The following NFYA variants were observed in gnomAD, a reference collection of about 807,000 sequenced individuals.
The protein encoded by NFYA is CAAT-box DNA binding protein subunit A.
In NFYA, 28 loss-of-function variants were observed where a neutral mutation model predicts 52.8. The ratio of observed to expected loss-of-function variants is 0.53; its 90% CI spans 0.39 to 0.73. The LOEUF (loss-of-function observed/expected upper bound fraction) is 0.73. Among genes scored for constraint, NFYA ranks in the 30% least tolerant of loss-of-function variants. The pLI, the probability that NFYA is intolerant of heterozygous loss-of-function variation, is 0.00. For synonymous variants in NFYA, 150 were observed against 150.7 expected, an observed-to-expected ratio of 1.00 and a Z score of 0.03; for missense variants, 234 against 427.0, an observed-to-expected ratio of 0.55 and a Z score of 3.98.
chr6:41,081,571 C>T (rs62396296), intron 3 of NFYA, among the ~76,000 whole-genome samples: 12,624 of 151,988 alleles, frequency 0.083, 624 homozygotes, highest in Middle Eastern at 0.14. Context: ...ATTTGTGTTA[C>T]AATGGAGAAG....
chr6:41,098,423 T>C lies in NFYA; in HGVS notation c.*1013T>C, dbSNP rs1260145811. On this transcript the variant is annotated 3_prime_UTR_variant, in exon 10 of 10. Transcript: ENST00000341376. ...GAGCATGTATACCCGTATGTTATCA[T>C]AGAGCACGATTCTCCAGTGGATGGA... The C allele has an allele frequency of 6.6e-6, 1 of 152,158 alleles. No homozygotes were observed. The highest frequency in any genetic ancestry group is 1.5e-5 in the Non-Finnish European group (1 of 68,042). The allele number at this position is 152,158 out of a possible 1,614,324, so 9.4% of individuals were successfully genotyped here.
chr6:41,090,968 G>C (rs1268464891), intron 6 of NFYA, among the ~76,000 whole-genome samples: 8 of 152,228 alleles, frequency 5.3e-5, no homozygotes, highest in Non-Finnish European at 1.2e-4. Flanking sequence ...ACAGGATCCA[G>C]AGAGTGCACT....
intron 2 of NFYA, among the ~76,000 whole-genome samples, chr6:41,080,590 T>G (rs1473500386): frequency 6.6e-6 from 1 of 152,174 alleles, no homozygotes; most frequent in African/African-American, 2.4e-5. Context: ...GACAACTGTT[T>G]TGAGTTTTTG....
chr6:41,084,134 G>A lies in NFYA; in HGVS notation c.251G>A (p.Gly84Asp), dbSNP rs200299860. 6.2e-7 allele frequency: 1 copy of A among 1,614,126 alleles called. No homozygotes were observed. The change falls in exon 4 of 10, where the codon GGT becomes GAT. Residue 84 changes from glycine (G) to aspartate (D), a missense_variant. Gly to Asp is a moderately conservative substitution (Grantham distance 94). Coordinates refer to ENST00000341376, the MANE Select transcript of NFYA (RefSeq NM_002505.5). ...GQPIMVQAVP[G>D]GQGQTIMQVP... ...CCCATCATGGTCCAGGCTGTCCCTG[G>A]TGGACAAGGTCAAACCATCATGCAA...
At chr6:41,083,351 TTA>T (rs1763958545) in intron 3 of NFYA, among the ~76,000 whole-genome samples, 1 of 152,188 alleles carries the variant, frequency 6.6e-6, no homozygotes, top group Non-Finnish European at 1.5e-5. Context: ...CATGTGGATA[TTA>T]TAGAGGCCAG....
At position 41,099,198 on chromosome 6, in the gene NFYA, C is replaced by G. The variant is rs1764436789; in HGVS notation, c.*1788C>G. The stretch of plus-strand genomic sequence containing the variant: ...CCTTTGGTAAGCTCACTAGAAACTT[C>G]TAGCTCTACAAGAGTTTGGGATATT... On this transcript the variant is annotated 3_prime_UTR_variant, in exon 10 of 10. Coordinates refer to ENST00000341376, the MANE Select transcript of NFYA (RefSeq NM_002505.5). 1.3e-5 allele frequency: 2 copies of G among 152,228 alleles called. No homozygotes were observed. Among genetic ancestry groups the G allele is most frequent in the Admixed American group, 6.5e-5 (1 of 15,284 alleles). The allele number at this position is 152,228 out of a possible 1,614,324, so 9.4% of individuals were successfully genotyped here.
chr6:41,089,717 C>T lies in NFYA; in HGVS notation c.441+7C>T. On this transcript the variant is annotated splice_region_variant and intron_variant, in intron 5 of 9. Transcript: ENST00000341376. ...CACTGCTGGCCAGACTCAGGTAATTCCACTAGCTCTGTCACACAGGAGCAA... is the reference window on the plus strand; with the variant it reads ...CACTGCTGGCCAGACTCAGGTAATTTCACTAGCTCTGTCACACAGGAGCAA... 2 of 1,609,340 alleles carry T rather than the reference C, an allele frequency of 1.2e-6. No individual in the cohort carries two copies. Among genetic ancestry groups the T allele is most frequent in the Non-Finnish European group, 1.7e-6 (2 of 1,178,660 alleles).
In NFYA at chr6:41,099,015, T is replaced by TA. The variant is rs1764432668; in HGVS notation, c.*1607dup. ...TTCTTTGACTTCAGCTTAACTGTAT[T>TA]AAGACAGAAATTAAGCCCTCTAAAA... On this transcript the variant is annotated 3_prime_UTR_variant, in exon 10 of 10. Transcript: ENST00000341376. The TA allele has an allele frequency of 6.6e-6, 1 of 152,216 alleles. No individual in the cohort carries two copies. The highest frequency in any genetic ancestry group is 1.5e-5 in the Non-Finnish European group (1 of 68,046). 9.4% of individuals were successfully genotyped at this position (152,216 alleles called of 1,614,324 possible).
At chr6:41,076,940 C>G (rs547830570) in intron 1 of NFYA, among the ~76,000 whole-genome samples, 12 of 152,256 alleles carry the variant, frequency 7.9e-5, no homozygotes, top group South Asian at 4.1e-4. Context: ...GAGAGAATTG[C>G]TGCTAGATTT....
intron 9 of NFYA, among the ~76,000 whole-genome samples, chr6:41,096,924 A>G (rs945403912): frequency 7.2e-5 from 11 of 152,224 alleles, no homozygotes; most frequent in African/African-American, 2.4e-4. Flanking sequence ...ATTAAAGTGT[A>G]TAGATTCTAA....
intron 3 of NFYA, among the ~76,000 whole-genome samples, chr6:41,083,799 A>G (rs559181362): frequency 1.3e-5 from 2 of 152,356 alleles, no homozygotes; most frequent in South Asian, 2.1e-4. Flanking sequence ...CCTTATATCT[A>G]TTGAGACTTC....
intron 8 of NFYA, among the ~76,000 whole-genome samples, chr6:41,093,507 G>A (rs1764252398): frequency 6.7e-6 from 1 of 149,794 alleles, no homozygotes; most frequent in Non-Finnish European, 1.5e-5. Context: ...GTCTTGCTCT[G>A]TCATCCAGGC....
At chr6:41,085,431 A>G (rs1310991561) in intron 4 of NFYA, among the ~76,000 whole-genome samples, 4 of 152,188 alleles carry the variant, frequency 2.6e-5, no homozygotes, top group Non-Finnish European at 5.9e-5. Flanking sequence ...ATATTGAAAT[A>G]TTTTTAGTGG....
chr6:41,094,710 G>A (rs1051221001), intron 9 of NFYA, among the ~76,000 whole-genome samples: 2 of 152,150 alleles, frequency 1.3e-5, no homozygotes, highest in Non-Finnish European at 2.9e-5. Flanking sequence ...CACTTTGGGA[G>A]GCTGAGGTGG....
chr6:41,079,198 A>T, intron 2 of NFYA, 34 bp downstream of exon 2: 1 of 1,590,322 alleles, frequency 6.3e-7, no homozygotes, highest in Non-Finnish European at 8.6e-7. Context: ...ACATTACAGC[A>T]ATGAAACTGA....
chr6:41,090,072 T>C lies in NFYA; in HGVS notation c.442-132T>C, dbSNP rs1183990320. 6.6e-6 allele frequency: 4 copies of C among 604,850 alleles called. No homozygotes were observed. In the African/African-American group the frequency reaches 7.4e-5, roughly 11 times the overall value. 37.5% of individuals were successfully genotyped at this position (604,850 alleles called of 1,614,324 possible). On this transcript the variant is annotated intron_variant, in intron 5 of 9. Transcript: ENST00000341376. The stretch of plus-strand genomic sequence containing the variant: ...TTGCAGTGAGCTGAGATTGCGCCAC[T>C]GCACTGCACTCCAGCCTGGCGACAG...
At chr6:41,076,411 G>A (rs1763734129) in intron 1 of NFYA, among the ~76,000 whole-genome samples, 1 of 152,206 alleles carries the variant, frequency 6.6e-6, no homozygotes, top group Non-Finnish European at 1.5e-5. Context: ...AAGTTAAAAA[G>A]CTACTGTTCT....
chr6:41,084,688 C>T (rs1033340855), intron 4 of NFYA, among the ~76,000 whole-genome samples: 1 of 152,220 alleles, frequency 6.6e-6, no homozygotes, highest in Admixed American at 6.5e-5. Flanking sequence ...GAAGGCCAGG[C>T]GCAGTGGCTC....
In NFYA at chr6:41,098,742, G is replaced by T. The variant is rs1271062715; in HGVS notation, c.*1332G>T. The T allele has an allele frequency of 6.6e-6, 1 of 152,614 alleles. No individual in the cohort carries two copies. The highest frequency in any genetic ancestry group is 1.5e-5 in the Non-Finnish European group (1 of 68,030). The allele number at this position is 152,614 out of a possible 1,614,324, so 9.5% of individuals were successfully genotyped here. On this transcript the variant is annotated 3_prime_UTR_variant, in exon 10 of 10. Transcript: ENST00000341376. ...TTCTCCATAGGCCTTGTGCAGAAAGGTTTTCTCATTGCATCCATACTGTGA... is the reference window on the plus strand; with the variant it reads ...TTCTCCATAGGCCTTGTGCAGAAAGTTTTTCTCATTGCATCCATACTGTGA...
Sources: gnomAD v4.1 joint callset for allele counts (sites outside exome capture counted in the v4.1 genomes callset) on GRCh38, gnomAD v4.1.1 for gene constraint, MANE v1.5 for transcripts, NCBI Gene and HGNC (gene_info 2026-07-23, HGNC 2026-07-21) for gene names.